Variants in FBXO40 observed in about 807,000 individuals in gnomAD.
FBXO40 encodes F-box only protein 40.
FBXO40 carries 50 observed loss-of-function variants against 49.9 expected under a neutral mutation model. That is an observed-to-expected ratio of 1.00 (90% CI 0.80 to 1.27). FBXO40 has a LOEUF of 1.27. Among genes scored for constraint, FBXO40 ranks in the 50% most tolerant of loss-of-function variants. FBXO40 has a pLI of 0.00. For synonymous variants in FBXO40, 340 were observed against 320.2 expected (o/e 1.06, Z -0.66); for missense variants, 895 against 870.1 (o/e 1.03, Z -0.36).
chr3:121,618,798 A>C (rs1022365863), intron 1 of FBXO40, among the ~76,000 whole-genome samples: 2 of 151,912 alleles, frequency 1.3e-5, no homozygotes, highest in Non-Finnish European at 2.9e-5. Flanking sequence ...AGAGAGACAG[A>C]GAGGAGAGAA....
In FBXO40 at chr3:121,620,317, G is replaced by A. The variant is rs1164872583; in HGVS notation, c.-30-229G>A. Among the ~76,000 whole-genome samples the A allele has an allele frequency of 2.6e-5, 4 of 152,194 alleles. No individual in the cohort carries two copies. The East Asian group carries it at 7.7e-4, about 29-fold the overall frequency. Reference sequence around the variant, plus strand: ...GGGTCAGTGAAAATAACATGGGCCAGCATGGCCTGGATTACAAAGCTGATT... The same window carrying A: ...GGGTCAGTGAAAATAACATGGGCCAACATGGCCTGGATTACAAAGCTGATT... On this transcript the variant is annotated intron_variant, in intron 1 of 3. Coordinates refer to ENST00000338040, the MANE Select transcript of FBXO40 (RefSeq NM_016298.4).
intron 1 of FBXO40, among the ~76,000 whole-genome samples, chr3:121,613,914 C>T (rs943299871): frequency 5.3e-5 from 8 of 152,106 alleles, no homozygotes; most frequent in African/African-American, 1.9e-4. Context: ...GGGCAGATAA[C>T]TTGAGATCAG....
chr3:121,595,522 T>C (rs1446773614), intron 1 of FBXO40, among the ~76,000 whole-genome samples: 1 of 152,208 alleles, frequency 6.6e-6, no homozygotes, highest in Non-Finnish European at 1.5e-5. Context: ...CTAATAAGTA[T>C]AAAGTTAGAG....
chr3:121,623,262 A>G lies in FBXO40; in HGVS notation c.1833A>G (p.Leu611=), dbSNP rs756752342. ...TGAGGAATATCTGTGCCACTTTGTTACAAGAGAGAGGAATGGTCCTTTTGC... is the reference window on the plus strand; with the variant it reads ...TGAGGAATATCTGTGCCACTTTGTTGCAAGAGAGAGGAATGGTCCTTTTGC... ...VLMRNICATL[L]QERGMVLLQW... Residue 611 remains leucine, a synonymous_variant, in exon 3 of 4, where the codon TTA becomes TTG. Coordinates refer to ENST00000338040, the MANE Select transcript of FBXO40 (RefSeq NM_016298.4). The G allele has an allele frequency of 3.7e-6, 6 of 1,614,106 alleles. No individual in the cohort carries two copies. The East Asian group carries it at 1.3e-4, about 36-fold the overall frequency.
intron 1 of FBXO40, among the ~76,000 whole-genome samples, chr3:121,613,695 T>A (rs1197697361): frequency 2.0e-5 from 3 of 152,202 alleles, no homozygotes; most frequent in Non-Finnish European, 4.4e-5. Flanking sequence ...CTTTAACTTG[T>A]AACTGCAGTA....
chr3:121,605,083 C>T (rs1008025911), intron 1 of FBXO40, among the ~76,000 whole-genome samples: 6 of 152,026 alleles, frequency 3.9e-5, no homozygotes, highest in African/African-American at 4.8e-5. Flanking sequence ...AGCAATTTTC[C>T]TGCCTCAGCC....
At chr3:121,608,685 TC>T (rs1340122253) in intron 1 of FBXO40, among the ~76,000 whole-genome samples, 1 of 152,154 alleles carries the variant, frequency 6.6e-6, no homozygotes, top group East Asian at 1.9e-4. Context: ...GGTCAAAACC[TC>T]CAGGTGCTGT....
intron 1 of FBXO40, among the ~76,000 whole-genome samples, chr3:121,598,154 AGAG>A (rs1270976087): frequency 1.3e-5 from 2 of 152,340 alleles, no homozygotes; most frequent in East Asian, 1.9e-4. Flanking sequence ...ATACAGAACA[AGAG>A]GAGAATTCTC....
chr3:121,610,552 A>G (rs1021374757), intron 1 of FBXO40, among the ~76,000 whole-genome samples: 3 of 152,184 alleles, frequency 2.0e-5, no homozygotes, highest in African/African-American at 7.2e-5. Flanking sequence ...CTTTATCATA[A>G]TTAACAGGCT....
intron 1 of FBXO40, among the ~76,000 whole-genome samples, chr3:121,610,909 T>G (rs1028392967): frequency 2.6e-5 from 4 of 152,162 alleles, no homozygotes; most frequent in Non-Finnish European, 5.9e-5. Context: ...CCAAACTTAC[T>G]TCCTCTTAAT....
intron 1 of FBXO40, among the ~76,000 whole-genome samples, chr3:121,603,743 G>T (rs1179818356): frequency 6.6e-6 from 1 of 151,582 alleles, no homozygotes; most frequent in African/African-American, 2.4e-5. Flanking sequence ...TTTTGAGATG[G>T]AGTCTCACTC....
intron 1 of FBXO40, among the ~76,000 whole-genome samples, chr3:121,601,660 G>T (rs1274764137): frequency 1.3e-5 from 2 of 152,246 alleles, no homozygotes; most frequent in Non-Finnish European, 2.9e-5. Flanking sequence ...CACTGAACTA[G>T]CCAGCCCTTC....
At chr3:121,610,186 G>A (rs1178873465) in intron 1 of FBXO40, among the ~76,000 whole-genome samples, 1 of 152,218 alleles carries the variant, frequency 6.6e-6, no homozygotes, top group Non-Finnish European at 1.5e-5. Flanking sequence ...AGCTTCCTCT[G>A]GCAGGGCTTG....
rs866996277 is a variant in FBXO40 at position 121,623,004 on chromosome 3, C to T, written c.1575C>T (p.Phe525=). The stretch of plus-strand genomic sequence containing the variant: ...GATGTACATTTGTTCAAAACCATTT[C>T]CGTCCCCCAGGGCAAAAGGCAAAAG... The part of the protein sequence containing the change: ...YLGCTFVQNH[F]RPPGQKAKVI... The change falls in exon 3 of 4, where the codon TTC becomes TTT. Residue 525 remains phenylalanine, a synonymous_variant. Coordinates refer to ENST00000338040, the MANE Select transcript of FBXO40 (RefSeq NM_016298.4). The T allele has an allele frequency of 1.2e-6, 2 of 1,614,224 alleles. No individual in the cohort carries two copies. Among genetic ancestry groups the T allele is most frequent in the Non-Finnish European group, 1.7e-6 (2 of 1,180,052 alleles).
At chr3:121,620,773 T>C (rs2108850723) in intron 2 of FBXO40, among the ~76,000 whole-genome samples, 195 bp downstream of exon 2, 1 of 152,318 alleles carries the variant, frequency 6.6e-6, no homozygotes, top group Middle Eastern at 3.4e-3. Flanking sequence ...TGAGAAGGAT[T>C]TTTGAGCAAA....
At chr3:121,624,704 A>G (rs2049052787) in intron 3 of FBXO40, among the ~76,000 whole-genome samples, 1 of 152,170 alleles carries the variant, frequency 6.6e-6, no homozygotes, top group Non-Finnish European at 1.5e-5. Context: ...CCTCCACTGA[A>G]GGTGCCTTTA....
At chr3:121,610,527 G>A (rs1399417514) in intron 1 of FBXO40, among the ~76,000 whole-genome samples, 1 of 152,132 alleles carries the variant, frequency 6.6e-6, no homozygotes, top group Non-Finnish European at 1.5e-5. Context: ...TCCTTTCCAT[G>A]AGTAATTTCC....
At chr3:121,619,457 A>G (rs771859770) in intron 1 of FBXO40, among the ~76,000 whole-genome samples, 1 of 152,072 alleles carries the variant, frequency 6.6e-6, no homozygotes, top group Non-Finnish European at 1.5e-5. Context: ...CAGCATTCAC[A>G]TTTTTCCTTG....
chr3:121,595,087 G>A (rs910944694), intron 1 of FBXO40, among the ~76,000 whole-genome samples: 8 of 152,170 alleles, frequency 5.3e-5, no homozygotes, highest in African/African-American at 1.9e-4. Flanking sequence ...GATGTGTACA[G>A]GCTAAAGCCA....
Sources: gnomAD v4.1 joint callset for allele counts (sites outside exome capture counted in the v4.1 genomes callset) on GRCh38, gnomAD v4.1.1 for gene constraint, MANE v1.5 for transcripts, NCBI Gene and HGNC (gene_info 2026-07-23, HGNC 2026-07-21) for gene names.